Variants in ANKRD36C observed in about 807,000 individuals in gnomAD.
ANKRD36C encodes ankyrin repeat domain-containing protein 36C.
A neutral mutation model predicts 276.4 loss-of-function variants in ANKRD36C; 61 were observed. That is an observed-to-expected ratio of 0.22 (90% confidence interval 0.18 to 0.27). ANKRD36C has a LOEUF of 0.27. ANKRD36C is among the 10% of genes least tolerant of loss of function. The probability of loss-of-function intolerance (pLI) is 1.00; values close to 1 mark genes in which losing one functional copy is unlikely to be tolerated. For missense variants in ANKRD36C, 1,447 were observed against 2,032.3 expected (o/e 0.71, Z 5.54); for synonymous variants, 483 against 680.1 (o/e 0.71, Z 4.51).
chr2:95,897,556 T>C (rs1193013603), intron 44 of ANKRD36C, 91 bp from the exon 59 acceptor site: 21 of 1,487,548 alleles, frequency 1.4e-5, no homozygotes, highest in Non-Finnish European at 1.9e-5. Flanking sequence ...ACCTCCGTCC[T>C]CCTGCCTGTA....
intron 6 of ANKRD36C, among the ~76,000 whole-genome samples, chr2:95,974,127 T>C (rs1678757008): frequency 6.6e-6 from 1 of 152,068 alleles, no homozygotes; most frequent in Non-Finnish European, 1.5e-5. Flanking sequence ...ATATTCCAGC[T>C]AAGTAACAGA....
At chr2:95,978,391 G>A (rs917545543) in intron 5 of ANKRD36C, among the ~76,000 whole-genome samples, 5 of 152,028 alleles carry the variant, frequency 3.3e-5, no homozygotes, top group Non-Finnish European at 7.4e-5. Flanking sequence ...AGTGAAGGCA[G>A]TATAGCTCAG....
At chr2:95,943,761 C>T (rs1203918352) in intron 19 of ANKRD36C, among the ~76,000 whole-genome samples, 3 of 151,706 alleles carry the variant, frequency 2.0e-5, no homozygotes, top group African/African-American at 7.3e-5. Flanking sequence ...TCTATGAACA[C>T]AGCATTCACT....
chr2:95,851,727 C>T (rs1306679334), exon 66 of ANKRD36C: 2 of 1,530,078 alleles, frequency 1.3e-6, no homozygotes, highest in East Asian at 4.7e-5. Flanking sequence ...TCTCAAACCG[C>T]TCAATTTGTT....
intron 6 of ANKRD36C, among the ~76,000 whole-genome samples, chr2:95,970,849 C>T (rs1171444829): frequency 6.6e-6 from 1 of 152,174 alleles, no homozygotes; most frequent in Non-Finnish European, 1.5e-5. Flanking sequence ...CTTTCCACTG[C>T]TAGTCTATCT....
chr2:95,870,257 G>A (rs1675774851), intron 59 of ANKRD36C, among the ~76,000 whole-genome samples: 1 of 152,164 alleles, frequency 6.6e-6, no homozygotes, highest in Non-Finnish European at 1.5e-5. Context: ...TAACTGGGAG[G>A]CACCCCCAGG....
chr2:95,856,901 T>C, intron 62 of ANKRD36C, among the ~76,000 whole-genome samples: 1 of 152,200 alleles, frequency 6.6e-6, no homozygotes, highest in Non-Finnish European at 1.5e-5. Flanking sequence ...TAATCTTTTA[T>C]TTCAAGACAC....
rs974845766 is a variant in ANKRD36C at position 95,894,888 on chromosome 2, T to C, written c.2756-3028A>G. On this transcript the variant is annotated intron_variant, in intron 44 of 66. Coordinates refer to ENST00000456556, the Ensembl canonical transcript of ANKRD36C. ...GAGTTCACTCAGGTTTCCTCAGCAGTAACCCCAAAATTATATAAATGACTT... is the reference window on the plus strand; with the variant it reads ...GAGTTCACTCAGGTTTCCTCAGCAGCAACCCCAAAATTATATAAATGACTT... Among the ~76,000 whole-genome samples, 35 of 150,998 alleles carry C rather than the reference T, an allele frequency of 2.3e-4. 1 individual carries two copies. The highest frequency in any genetic ancestry group is 8.5e-4 in the African/African-American group (35 of 41,184).
chr2:95,893,659 A>G (rs750194481), intron 44 of ANKRD36C, 37 bp downstream of exon 63: 24 of 1,600,188 alleles, frequency 1.5e-5, no homozygotes, highest in Non-Finnish European at 9.4e-6. Flanking sequence ...TAGACCATAC[A>G]TTAACTCGTT....
chr2:95,849,750 T>C (rs1675248979), downstream of ANKRD36C, among the ~76,000 whole-genome samples: 1 of 152,232 alleles, frequency 6.6e-6, no homozygotes, highest in Non-Finnish European at 1.5e-5. Context: ...CCTAGATCCC[T>C]TGAACGTGCA....
chr2:95,947,571 T>G (rs1678085853), intron 17 of ANKRD36C, among the ~76,000 whole-genome samples: 1 of 152,156 alleles, frequency 6.6e-6, no homozygotes, highest in South Asian at 2.1e-4. Flanking sequence ...AATTTGAAAC[T>G]TAGAATGAGA....
intron 26 of ANKRD36C, 80 bp from the exon 27 acceptor site, chr2:95,927,489 A>T: frequency 6.3e-7 from 1 of 1,590,786 alleles, no homozygotes; most frequent in East Asian, 2.3e-5. Context: ...TGTTAGCATC[A>T]AACTATATCT....
At chr2:95,966,920 A>C (rs1453029766) in intron 6 of ANKRD36C, among the ~76,000 whole-genome samples, 1 of 152,040 alleles carries the variant, frequency 6.6e-6, no homozygotes, top group Non-Finnish European at 1.5e-5. Context: ...TTCTCTTTGT[A>C]GGAATTGTGT....
chr2:95,876,457 A>G, exon 59 of ANKRD36C: 2 of 1,595,360 alleles, frequency 1.3e-6, no homozygotes, highest in South Asian at 1.1e-5. Context: ...GGTTATTTTC[A>G]TATTCTTCAA....
At chr2:95,932,260 A>C (rs75911089) in intron 24 of ANKRD36C, among the ~76,000 whole-genome samples, 1,639 of 113,408 alleles carry the variant, frequency 0.014, no homozygotes, top group South Asian at 0.051. Context: ...CCACGTAAGC[A>C]TATCCATGTT....
chr2:95,946,941 G>A (rs1678069088), intron 17 of ANKRD36C, among the ~76,000 whole-genome samples: 1 of 152,012 alleles, frequency 6.6e-6, no homozygotes, highest in East Asian at 1.9e-4. Flanking sequence ...ATAGCATTGG[G>A]AGATATACCT....
At chr2:95,903,208 C>T in intron 42 of ANKRD36C, 127 bp from the exon 53 acceptor site, 5 of 1,453,850 alleles carry the variant, frequency 3.4e-6, no homozygotes, top group Non-Finnish European at 4.7e-6. Context: ...ATGGCTTCTA[C>T]TTTGTGTCTG....
chr2:95,972,535 T>C (rs1382030200), intron 6 of ANKRD36C, among the ~76,000 whole-genome samples: 6 of 152,198 alleles, frequency 3.9e-5, no homozygotes, highest in Non-Finnish European at 7.3e-5. Context: ...TCTTTCACTG[T>C]AACAAATCAA....
chr2:95,914,109 T>G (rs1424192304), exon 40 of ANKRD36C: 33 of 1,564,190 alleles, frequency 2.1e-5, no homozygotes, highest in Non-Finnish European at 2.8e-5. Context: ...CAAAATTACC[T>G]CTCCTAGTTT....
Sources: allele counts gnomAD v4.1 joint callset (sites outside exome capture counted in the v4.1 genomes callset), GRCh38; gene constraint gnomAD v4.1.1; transcripts MANE v1.5; gene names NCBI Gene and HGNC (gene_info 2026-07-23, HGNC 2026-07-21).